HDAC9: variants seen among roughly 807,000 people sequenced by gnomAD.
HDAC9 encodes the protein MEF-2 interacting transcription repressor (MITR) protein.
Under a neutral mutation model 139.4 loss-of-function variants are expected in HDAC9, and 41 were observed. The ratio of observed to expected loss-of-function variants is 0.29; its 90% CI spans 0.23 to 0.38. The LOEUF is 0.38. HDAC9 is among the 10% of genes least tolerant of loss of function. The pLI, the probability that HDAC9 is intolerant of heterozygous loss-of-function variation, is 1.00. For synonymous variants in HDAC9, 517 were observed against 476.2 expected, an observed-to-expected ratio of 1.09 and a Z score of -1.12; for missense variants, 1,147 against 1,297.0, an observed-to-expected ratio of 0.88 and a Z score of 1.78.
At chr7:18,921,486 A>T (rs1447017334) in intron 22 of HDAC9, among the ~76,000 whole-genome samples, 1 of 152,240 alleles carries the variant, frequency 6.6e-6, no homozygotes, top group Non-Finnish European at 1.5e-5. Flanking sequence ...AATGCTCATC[A>T]TCACTGGCCA....
chr7:18,716,990 C>CTTTTTTTTT (rs528916567), intron 12 of HDAC9, among the ~76,000 whole-genome samples: 6 of 115,152 alleles, frequency 5.2e-5, no homozygotes, highest in Non-Finnish European at 7.1e-5. Flanking sequence ...CTCGTTAGCA[C>CTTTTTTTTT]TTTTTTTTTT....
chr7:18,273,942 A>G (rs774344056), intron 2 of HDAC9, among the ~76,000 whole-genome samples: 4 of 152,194 alleles, frequency 2.6e-5, no homozygotes, highest in African/African-American at 4.8e-5. Flanking sequence ...ACCAGGTGTT[A>G]GTGAAGATAC....
chr7:18,512,289 A>G (rs1801765866), intron 2 of HDAC9, among the ~76,000 whole-genome samples: 1 of 152,182 alleles, frequency 6.6e-6, no homozygotes, highest in Non-Finnish European at 1.5e-5. Flanking sequence ...TAAAAGGAAA[A>G]TAAAATAATT....
chr7:18,573,903 C>T (rs894054537), intron 2 of HDAC9, among the ~76,000 whole-genome samples: 2 of 152,220 alleles, frequency 1.3e-5, no homozygotes, highest in Non-Finnish European at 2.9e-5. Flanking sequence ...CACAGCTCTT[C>T]TCCCCTTCTC....
chr7:18,779,952 T>A (rs1360536799), intron 16 of HDAC9, among the ~76,000 whole-genome samples: 1 of 152,014 alleles, frequency 6.6e-6, no homozygotes, highest in Non-Finnish European at 1.5e-5. Flanking sequence ...TGATTAGGCA[T>A]CTAGGCAGAG....
At chr7:18,938,369 G>A (rs1490298355) in intron 23 of HDAC9, among the ~76,000 whole-genome samples, 1 of 152,108 alleles carries the variant, frequency 6.6e-6, no homozygotes, top group Non-Finnish European at 1.5e-5. Flanking sequence ...GCCGAGGCGG[G>A]TGGATCACGA....
intron 2 of HDAC9, among the ~76,000 whole-genome samples, chr7:18,553,599 G>A (rs1817812550): frequency 1.3e-5 from 2 of 152,172 alleles, no homozygotes; most frequent in African/African-American, 4.8e-5. Context: ...TTAATTCCGG[G>A]TAACTATTGG....
intron 22 of HDAC9, among the ~76,000 whole-genome samples, chr7:18,920,931 T>C (rs1803652073): frequency 6.6e-6 from 1 of 152,004 alleles, no homozygotes; most frequent in African/African-American, 2.4e-5. Context: ...TAATGCCGCA[T>C]ATCTACAACT....
intron 23 of HDAC9, among the ~76,000 whole-genome samples, chr7:18,938,907 T>C (rs1781838990): frequency 6.6e-6 from 1 of 152,238 alleles, no homozygotes; most frequent in African/African-American, 2.4e-5. Context: ...GCCTTTTCTC[T>C]ATATGTTTAG....
chr7:18,109,467 C>A (rs563749468), intron 1 of HDAC9, among the ~76,000 whole-genome samples: 6 of 152,050 alleles, frequency 3.9e-5, no homozygotes, highest in Admixed American at 3.9e-4. Context: ...GGGATGTAAA[C>A]CCCACAACAT....
chr7:18,633,468 T>C (rs1782929643), intron 7 of HDAC9, among the ~76,000 whole-genome samples: 1 of 152,028 alleles, frequency 6.6e-6, no homozygotes, highest in Admixed American at 6.6e-5. Context: ...CTAATCCTTT[T>C]AGGATTTTTT....
At chr7:18,211,558 A>T (rs764064901) in intron 2 of HDAC9, among the ~76,000 whole-genome samples, 4 of 152,212 alleles carry the variant, frequency 2.6e-5, no homozygotes, top group Non-Finnish European at 5.9e-5. Context: ...TCACAAAATT[A>T]TCGAGACATC....
chr7:18,371,036 C>G (rs931601110), intron 1 of HDAC9, among the ~76,000 whole-genome samples: 1 of 152,114 alleles, frequency 6.6e-6, no homozygotes, highest in Admixed American at 6.6e-5. Flanking sequence ...TCATGTCACT[C>G]TTTGCCTTTG....
At chr7:18,784,318 T>C (rs1791506582) in intron 16 of HDAC9, among the ~76,000 whole-genome samples, 1 of 151,910 alleles carries the variant, frequency 6.6e-6, no homozygotes, top group African/African-American at 2.4e-5. Flanking sequence ...ACTCAAGTGA[T>C]CCTCCCGCCT....
intron 2 of HDAC9, among the ~76,000 whole-genome samples, chr7:18,240,447 A>G (rs1794117749): frequency 6.6e-6 from 1 of 152,138 alleles, no homozygotes; most frequent in South Asian, 2.1e-4. Context: ...CAGTGTTTCT[A>G]GTTTATATCT....
intron 2 of HDAC9, among the ~76,000 whole-genome samples, chr7:18,538,397 C>T (rs576832051): frequency 6.6e-6 from 1 of 152,164 alleles, no homozygotes; most frequent in African/African-American, 2.4e-5. Context: ...GAAACCGTGA[C>T]AGGAATTTAT....
intron 2 of HDAC9, among the ~76,000 whole-genome samples, chr7:18,577,013 C>T (rs757173581): frequency 6.6e-6 from 1 of 152,210 alleles, no homozygotes; most frequent in African/African-American, 2.4e-5. Context: ...CAGACATAAA[C>T]TGTTCCTTCA....
intron 15 of HDAC9, among the ~76,000 whole-genome samples, chr7:18,764,723 T>G (rs1202156640): frequency 6.6e-6 from 1 of 152,164 alleles, no homozygotes. Context: ...TTCTCTCTTT[T>G]TATCCATTCC....
intron 1 of HDAC9, among the ~76,000 whole-genome samples, chr7:18,304,509 G>A (rs553882169): frequency 6.6e-6 from 1 of 152,088 alleles, no homozygotes; most frequent in African/African-American, 2.4e-5. Context: ...AGTAATGTGG[G>A]TTGTGTTTTG....
Sources: gnomAD v4.1 joint callset for allele counts (sites outside exome capture counted in the v4.1 genomes callset) on GRCh38, gnomAD v4.1.1 for gene constraint, MANE v1.5 for transcripts, NCBI Gene and HGNC (gene_info 2026-07-23, HGNC 2026-07-21) for gene names.